Variants in SYN3 observed in about 807,000 individuals in gnomAD.
SYN3 encodes the protein synapsin-3.
In SYN3, 35 loss-of-function variants were observed where a neutral mutation model predicts 65.8. That is an observed-to-expected ratio of 0.53 (90% CI 0.41 to 0.70). The LOEUF (loss-of-function observed/expected upper bound fraction) is 0.70, where lower values mean the gene tolerates loss of function less well. Ranked by LOEUF, SYN3 falls within the 30% of genes least tolerant of loss-of-function variation. The pLI, the probability that SYN3 is intolerant of heterozygous loss-of-function variation, is 0.00. For missense variants in SYN3, 680 were observed against 749.0 expected (o/e 0.91, Z 1.08); for synonymous variants, 270 against 292.9 (o/e 0.92, Z 0.80).
At chr22:33,006,902 C>T (rs1409780618) in intron 1 of SYN3, 78 bp from the exon 2 acceptor site, 2 of 386,116 alleles carry the variant, frequency 5.2e-6, no homozygotes, top group Non-Finnish European at 9.3e-6. Flanking sequence ...CGCTTTCCTG[C>T]CCCACTGCAG....
At chr22:32,873,529 T>C (rs1243538895) in intron 4 of SYN3, among the ~76,000 whole-genome samples, 1 of 152,186 alleles carries the variant, frequency 6.6e-6, no homozygotes, top group Admixed American at 6.5e-5. Flanking sequence ...TTATCTGCTC[T>C]GTACCCAGAA....
intron 4 of SYN3, among the ~76,000 whole-genome samples, chr22:32,886,437 G>A (rs751181230): frequency 3.3e-5 from 5 of 152,150 alleles, no homozygotes; most frequent in Non-Finnish European, 5.9e-5. Flanking sequence ...TCCCCCAGCT[G>A]TGCGACTCTG....
intron 6 of SYN3, among the ~76,000 whole-genome samples, chr22:32,666,179 C>T (rs1460233840): frequency 6.6e-6 from 1 of 152,222 alleles, no homozygotes; most frequent in Non-Finnish European, 1.5e-5. Flanking sequence ...CCCAAATCAC[C>T]TGCATTATGC....
At chr22:32,950,463 T>C (rs2051256083) in intron 3 of SYN3, among the ~76,000 whole-genome samples, 1 of 152,184 alleles carries the variant, frequency 6.6e-6, no homozygotes. Flanking sequence ...TCTTTCCTGC[T>C]TTTTAAGTCC....
At chr22:33,047,618 T>C (rs749768130) in intron 1 of SYN3, among the ~76,000 whole-genome samples, 1 of 152,060 alleles carries the variant, frequency 6.6e-6, no homozygotes, top group Non-Finnish European at 1.5e-5. Context: ...TAATGTCATG[T>C]GGGGTTTCCT....
At chr22:32,554,358 A>G (rs1047086120) in intron 7 of SYN3, among the ~76,000 whole-genome samples, 14 of 152,024 alleles carry the variant, frequency 9.2e-5, no homozygotes, top group Non-Finnish European at 1.0e-4. Context: ...GGAAGTCTCT[A>G]CTGAAATCCC....
intron 4 of SYN3, among the ~76,000 whole-genome samples, chr22:32,892,495 A>C (rs2049479059): frequency 6.6e-6 from 1 of 152,214 alleles, no homozygotes; most frequent in South Asian, 2.1e-4. Flanking sequence ...CATACATGCT[A>C]TTACAAATTG....
intron 6 of SYN3, among the ~76,000 whole-genome samples, chr22:32,824,742 G>A (rs1208021132): frequency 2.0e-5 from 3 of 152,154 alleles, no homozygotes; most frequent in Non-Finnish European, 4.4e-5. Flanking sequence ...TGCTTTCGAT[G>A]TTGTTCTTTC....
intron 6 of SYN3, among the ~76,000 whole-genome samples, chr22:32,655,731 G>C (rs1361702396): frequency 6.6e-6 from 1 of 152,046 alleles, no homozygotes; most frequent in Non-Finnish European, 1.5e-5. Flanking sequence ...CAAGCTCAGG[G>C]CTCCCACTGA....
chr22:32,934,063 A>T (rs1388076539), intron 3 of SYN3, among the ~76,000 whole-genome samples: 1 of 152,198 alleles, frequency 6.6e-6, no homozygotes, highest in Non-Finnish European at 1.5e-5. Flanking sequence ...GTTAGTAAAT[A>T]GTGGTAATGG....
intron 3 of SYN3, among the ~76,000 whole-genome samples, chr22:32,961,479 G>A (rs1455349442): frequency 6.6e-6 from 1 of 152,196 alleles, no homozygotes; most frequent in East Asian, 1.9e-4. Flanking sequence ...GTAGAGTTGT[G>A]TTGTCAGTGG....
At chr22:32,820,289 G>GA (rs2047206634) in intron 6 of SYN3, among the ~76,000 whole-genome samples, 1 of 142,336 alleles carries the variant, frequency 7.0e-6, no homozygotes, top group South Asian at 2.4e-4. Flanking sequence ...TGTGTGTGTG[G>GA]TGTGTGTGGT....
intron 1 of SYN3, among the ~76,000 whole-genome samples, chr22:33,048,025 T>C (rs1454170987): frequency 3.3e-5 from 5 of 152,180 alleles, no homozygotes; most frequent in Non-Finnish European, 7.3e-5. Context: ...GGCATGAGAA[T>C]GAATACTGTC....
chr22:32,869,287 G>A (rs1233825165), intron 4 of SYN3, among the ~76,000 whole-genome samples, 162 bp from the exon 5 acceptor site: 3 of 148,464 alleles, frequency 2.0e-5, no homozygotes, highest in Non-Finnish European at 4.4e-5. Context: ...CAAAGGCACA[G>A]CTACTCCACT....
chr22:32,591,708 T>C (rs1166321507), intron 7 of SYN3, among the ~76,000 whole-genome samples: 1 of 152,208 alleles, frequency 6.6e-6, no homozygotes, highest in African/African-American at 2.4e-5. Context: ...ACCTTGATAC[T>C]CCAGTAGTCC....
intron 6 of SYN3, among the ~76,000 whole-genome samples, chr22:32,659,325 G>A (rs1345212962): frequency 1.3e-5 from 2 of 152,188 alleles, no homozygotes; most frequent in African/African-American, 4.8e-5. Flanking sequence ...ATGAAGCCAC[G>A]AAGAGTGTGC....
intron 4 of SYN3, among the ~76,000 whole-genome samples, chr22:32,873,117 A>AT (rs1423300426): frequency 6.6e-6 from 1 of 151,834 alleles, no homozygotes; most frequent in African/African-American, 2.4e-5. Flanking sequence ...CACCCGGCTA[A>AT]TTTTTGTATT....
intron 6 of SYN3, among the ~76,000 whole-genome samples, chr22:32,669,332 A>T: frequency 6.6e-6 from 1 of 152,180 alleles, no homozygotes; most frequent in Non-Finnish European, 1.5e-5. Context: ...GTTGGTGAGG[A>T]TTAGAGCCAA....
At chr22:32,758,665 T>A in intron 6 of SYN3, among the ~76,000 whole-genome samples, 1 of 117,702 alleles carries the variant, frequency 8.5e-6, no homozygotes, top group Non-Finnish European at 1.8e-5. Context: ...TTGTGTAAGT[T>A]AATACTTACT....
Sources: gnomAD v4.1 joint callset for allele counts (sites outside exome capture counted in the v4.1 genomes callset) on GRCh38, gnomAD v4.1.1 for gene constraint, MANE v1.5 for transcripts, NCBI Gene and HGNC (gene_info 2026-07-23, HGNC 2026-07-21) for gene names.